C4orf50: variants seen among roughly 807,000 people sequenced by gnomAD.
C4orf50 encodes chromosome 4 open reading frame 50, also known as uncharacterized protein C4orf50.
Under a neutral mutation model 77.2 loss-of-function variants are expected in C4orf50, and 80 were observed. That is an observed-to-expected ratio of 1.04 (90% CI 0.87 to 1.25). The LOEUF is 1.25. Ranked by LOEUF, C4orf50 falls within the 50% of genes most tolerant of loss-of-function variation. The probability of loss-of-function intolerance (pLI) is 0.00; values close to 1 mark genes in which losing one functional copy is unlikely to be tolerated. For missense variants in C4orf50, 1,257 were observed against 1,152.9 expected (o/e 1.09, Z -1.31); for synonymous variants, 532 against 465.3 (o/e 1.14, Z -1.84).
At chr4:5,994,009 A>G (rs552825966) in intron 26 of C4orf50, among the ~76,000 whole-genome samples, 12 of 152,134 alleles carry the variant, frequency 7.9e-5, no homozygotes, top group Non-Finnish European at 1.6e-4. Flanking sequence ...GCTCCTGGCC[A>G]TCATACGGAC....
intron 33 of C4orf50, among the ~76,000 whole-genome samples, chr4:5,960,688 C>A (rs1377723258): frequency 6.6e-6 from 1 of 152,170 alleles, no homozygotes; most frequent in East Asian, 1.9e-4. Flanking sequence ...GCTGATGAAG[C>A]CTCCAGGACG....
chr4:5,978,527 C>G (rs1476054219), intron 29 of C4orf50, among the ~76,000 whole-genome samples: 2 of 152,136 alleles, frequency 1.3e-5, no homozygotes, highest in Non-Finnish European at 2.9e-5. Context: ...TCATGTGTAA[C>G]TGAAGTTTCC....
chr4:6,012,403 C>G (rs968306474), intron 23 of C4orf50, among the ~76,000 whole-genome samples: 1 of 152,172 alleles, frequency 6.6e-6, no homozygotes, highest in African/African-American at 2.4e-5. Flanking sequence ...CAAAGCCACA[C>G]AGCATTATAG....
chr4:5,983,924 G>T (rs1441690511), intron 28 of C4orf50, among the ~76,000 whole-genome samples: 1 of 152,222 alleles, frequency 6.6e-6, no homozygotes, highest in Admixed American at 6.5e-5. Context: ...CACAGTAGAA[G>T]ACTCTAAGCC....
intron 25 of C4orf50, among the ~76,000 whole-genome samples, chr4:5,994,824 T>C (rs1369953041): frequency 6.6e-6 from 1 of 152,208 alleles, no homozygotes; most frequent in Non-Finnish European, 1.5e-5. Flanking sequence ...TGTTAGGACC[T>C]GGGCCGTACA....
At chr4:5,912,558 A>G (rs1716855434) in intron 7 of C4orf50, among the ~76,000 whole-genome samples, 1 of 152,178 alleles carries the variant, frequency 6.6e-6, no homozygotes. Context: ...CAGTGTTCTA[A>G]AATGCACCCA....
intron 25 of C4orf50, among the ~76,000 whole-genome samples, chr4:5,995,251 C>T (rs1180414317): frequency 6.6e-6 from 1 of 152,108 alleles, no homozygotes; most frequent in East Asian, 1.9e-4. Context: ...AGGTTCTTTC[C>T]ATGTCCCACC....
At chr4:5,948,306 G>A (rs573014804) in intron 7 of C4orf50, among the ~76,000 whole-genome samples, 57 of 152,340 alleles carry the variant, frequency 3.7e-4, no homozygotes, top group African/African-American at 1.1e-3. Context: ...AGGACACCTC[G>A]AATTCGTAAC....
At chr4:5,949,307 T>C (rs1171148576) in intron 7 of C4orf50, among the ~76,000 whole-genome samples, 1 of 152,232 alleles carries the variant, frequency 6.6e-6, no homozygotes, top group East Asian at 1.9e-4. Flanking sequence ...CACAGATTGA[T>C]GAGTGAACAA....
At chr4:5,954,373 T>G (rs1430945536), downstream of C4orf50, among the ~76,000 whole-genome samples, 4 of 152,098 alleles carry the variant, frequency 2.6e-5, no homozygotes, top group Admixed American at 2.6e-4. This position sits in a 1 kb window ranked among gnomAD's most constrained non-coding sequence, Gnocchi z 4.7. Flanking sequence ...CCCTCAGCCC[T>G]GCACCTGCTG....
intron 33 of C4orf50, among the ~76,000 whole-genome samples, chr4:5,962,894 C>T (rs1287102827): frequency 2.6e-5 from 4 of 152,204 alleles, no homozygotes; most frequent in Admixed American, 6.5e-5. Flanking sequence ...CTTTATGCTC[C>T]AGCGATGTTG....
chr4:5,993,702 A>T (rs754947089), intron 26 of C4orf50, among the ~76,000 whole-genome samples: 2 of 152,136 alleles, frequency 1.3e-5, no homozygotes, highest in African/African-American at 2.4e-5. Flanking sequence ...CTGTAATCCC[A>T]GCTACTTGGG....
At chr4:5,997,481 C>A (rs1721647441) in intron 25 of C4orf50, among the ~76,000 whole-genome samples, 1 of 152,196 alleles carries the variant, frequency 6.6e-6, no homozygotes, top group African/African-American at 2.4e-5. Flanking sequence ...AGTCACTTGT[C>A]CAAGGTCACA....
At chr4:5,931,586 C>G (rs1317953866) in intron 7 of C4orf50, among the ~76,000 whole-genome samples, 1 of 152,084 alleles carries the variant, frequency 6.6e-6, no homozygotes, top group Non-Finnish European at 1.5e-5. Context: ...GCCATGTTTC[C>G]ACGCTCCAAA....
chr4:5,910,907 CTTTTTTTTTT>C (rs33913636), intron 7 of C4orf50, among the ~76,000 whole-genome samples: 61 of 106,554 alleles, frequency 5.7e-4, no homozygotes, highest in Admixed American at 1.2e-4. Flanking sequence ...CCCTTTCTTT[CTTTTTTTTTT>C]TTTTTTTTTT....
At chr4:5,985,061 G>A (rs745690927) in intron 28 of C4orf50, among the ~76,000 whole-genome samples, 2 of 151,978 alleles carry the variant, frequency 1.3e-5, no homozygotes, top group African/African-American at 4.8e-5. Flanking sequence ...ACTATGAGAG[G>A]CAGAAGACAA....
chr4:5,965,457 C>T (rs769410242), intron 32 of C4orf50, among the ~76,000 whole-genome samples: 7 of 152,236 alleles, frequency 4.6e-5, no homozygotes, highest in Non-Finnish European at 7.3e-5. Context: ...GGCTTAGCTT[C>T]GTAAGTGCAG....
At chr4:5,898,430 T>C (rs1577863851) in intron 7 of C4orf50, 1 of 152,212 alleles carries the variant, frequency 6.6e-6, no homozygotes, top group Non-Finnish European at 1.5e-5. Flanking sequence ...GTGCTATTTC[T>C]TTAATCTTCA....
chr4:5,940,312 T>G (rs1577911727), intron 7 of C4orf50, among the ~76,000 whole-genome samples: 1 of 152,200 alleles, frequency 6.6e-6, no homozygotes, highest in Non-Finnish European at 1.5e-5. Context: ...AAATCTTCCT[T>G]CTTATTTGTA....
Sources: allele counts gnomAD v4.1 joint callset (sites outside exome capture counted in the v4.1 genomes callset), GRCh38; gene constraint gnomAD v4.1.1; non-coding constraint Gnocchi (gnomAD v3.1); transcripts MANE v1.5; gene names NCBI Gene and HGNC (gene_info 2026-07-23, HGNC 2026-07-21).